The following PGM5 variants were observed in gnomAD, a reference collection of about 807,000 sequenced individuals.
PGM5 encodes phosphoglucomutase-like protein 5.
In PGM5, 23 loss-of-function variants were observed where a neutral mutation model predicts 59.2. The ratio of observed to expected loss-of-function variants is 0.39; its 90% CI spans 0.28 to 0.55. The LOEUF (loss-of-function observed/expected upper bound fraction) is 0.55. Ranked by LOEUF, PGM5 falls within the 20% of genes least tolerant of loss-of-function variation. The probability of loss-of-function intolerance (pLI) is 0.66; values close to 1 mark genes in which losing one functional copy is unlikely to be tolerated. For missense variants in PGM5, 574 were observed against 748.3 expected, an observed-to-expected ratio of 0.77 and a Z score of 2.72; for synonymous variants, 214 against 286.0, an observed-to-expected ratio of 0.75 and a Z score of 2.54.
At chr9:68,455,306 C>T (rs916041286) in intron 6 of PGM5, among the ~76,000 whole-genome samples, 1 of 152,116 alleles carries the variant, frequency 6.6e-6, no homozygotes, top group Non-Finnish European at 1.5e-5. Context: ...AGGGCATCTC[C>T]GCCTGGAATC....
At chr9:68,528,986 G>A (rs1009869767) in intron 10 of PGM5, among the ~76,000 whole-genome samples, 1 of 152,230 alleles carries the variant, frequency 6.6e-6, no homozygotes, top group African/African-American at 2.4e-5. Context: ...TCTAAAGCAT[G>A]CCCACCTCCT....
At chr9:68,518,649 A>C (rs540504583) in intron 10 of PGM5, among the ~76,000 whole-genome samples, 74 of 152,392 alleles carry the variant, frequency 4.9e-4, no homozygotes, top group African/African-American at 1.7e-3. Context: ...GAAGAATATC[A>C]GTGAACTTAA....
chr9:68,485,366 C>G (rs1824277829), intron 9 of PGM5, among the ~76,000 whole-genome samples: 1 of 152,096 alleles, frequency 6.6e-6, no homozygotes, highest in Non-Finnish European at 1.5e-5. Flanking sequence ...ACTGTAGCTC[C>G]CATAATCCCC....
At chr9:68,425,437 T>C (rs1823219139) in intron 6 of PGM5, among the ~76,000 whole-genome samples, 1 of 152,226 alleles carries the variant, frequency 6.6e-6, no homozygotes, top group African/African-American at 2.4e-5. Context: ...TGTGGAGACT[T>C]TCCATTGTTT....
intron 1 of PGM5, among the ~76,000 whole-genome samples, chr9:68,371,876 C>G (rs1821742297): frequency 6.6e-6 from 1 of 151,984 alleles, no homozygotes; most frequent in Non-Finnish European, 1.5e-5. Flanking sequence ...AAAACAGAGG[C>G]AGAGACTGGA....
At chr9:68,510,253 G>T (rs1046791521) in intron 10 of PGM5, among the ~76,000 whole-genome samples, 14 of 145,814 alleles carry the variant, frequency 9.6e-5, no homozygotes, top group African/African-American at 3.6e-4. Flanking sequence ...CTGGGTTCAC[G>T]CCCTTCTCCT....
intron 6 of PGM5, chr9:68,394,541 G>A (rs541013476): frequency 6.6e-6 from 1 of 151,806 alleles, no homozygotes; most frequent in South Asian, 2.1e-4. Flanking sequence ...ACTACATTGG[G>A]CAAACCATTC....
chr9:68,399,942 C>T (rs1222571147), intron 6 of PGM5, among the ~76,000 whole-genome samples: 6 of 151,968 alleles, frequency 3.9e-5, no homozygotes, highest in African/African-American at 1.2e-4. Context: ...TGGAATAATC[C>T]CTCATTCCAG....
At chr9:68,404,003 G>A (rs1177856818) in intron 6 of PGM5, among the ~76,000 whole-genome samples, 1 of 152,206 alleles carries the variant, frequency 6.6e-6, no homozygotes, top group Non-Finnish European at 1.5e-5. Context: ...CTTTGCCTCA[G>A]GATCTGCTTG....
chr9:68,463,060 A>T (rs138811271), intron 6 of PGM5, among the ~76,000 whole-genome samples: 35 of 152,264 alleles, frequency 2.3e-4, no homozygotes, highest in African/African-American at 8.2e-4. Flanking sequence ...ACCACCTGAA[A>T]AGTGCTTTTC....
intron 6 of PGM5, among the ~76,000 whole-genome samples, 159 bp from the exon 7 acceptor site, chr9:68,464,934 T>C (rs1823909692): frequency 6.6e-6 from 1 of 152,226 alleles, no homozygotes; most frequent in South Asian, 2.1e-4. Context: ...TATTATTTTC[T>C]AACTTATGGC....
At chr9:68,518,654 A>T (rs1376722616) in intron 10 of PGM5, among the ~76,000 whole-genome samples, 1 of 152,224 alleles carries the variant, frequency 6.6e-6, no homozygotes, top group Non-Finnish European at 1.5e-5. Flanking sequence ...ATATCAGTGA[A>T]CTTAAAATAT....
chr9:68,501,160 C>T (rs1298415239), intron 10 of PGM5, among the ~76,000 whole-genome samples: 1 of 152,170 alleles, frequency 6.6e-6, no homozygotes. Context: ...GTTGGAATTT[C>T]TGATTTCCCC....
At chr9:68,368,114 C>T (rs1300089725) in intron 1 of PGM5, among the ~76,000 whole-genome samples, 2 of 151,520 alleles carry the variant, frequency 1.3e-5, no homozygotes, top group Non-Finnish European at 2.9e-5. Context: ...TGCATATAGC[C>T]CCCCCATAAA....
intron 7 of PGM5, among the ~76,000 whole-genome samples, chr9:68,468,499 C>G (rs1237291005): frequency 6.6e-6 from 1 of 152,020 alleles, no homozygotes; most frequent in Non-Finnish European, 1.5e-5. Flanking sequence ...ATGTGTAAGC[C>G]ATGTTACGCT....
intron 6 of PGM5, among the ~76,000 whole-genome samples, chr9:68,455,986 C>T (rs782577834): frequency 2.0e-5 from 3 of 152,200 alleles, no homozygotes; most frequent in Non-Finnish European, 4.4e-5. Context: ...AAATAAACTA[C>T]AGCTTGTCTA....
chr9:68,408,476 C>T (rs1822862291), intron 6 of PGM5, among the ~76,000 whole-genome samples: 1 of 151,998 alleles, frequency 6.6e-6, no homozygotes, highest in South Asian at 2.1e-4. Flanking sequence ...GGATATTAGC[C>T]CTTTGTCAGA....
intron 3 of PGM5, among the ~76,000 whole-genome samples, chr9:68,384,770 A>G (rs573521798): frequency 6.7e-6 from 1 of 149,420 alleles, no homozygotes; most frequent in Non-Finnish European, 1.5e-5. Context: ...ATCATTTTCA[A>G]CATAGGAAAA....
At chr9:68,436,422 G>A (rs1823442243) in intron 6 of PGM5, among the ~76,000 whole-genome samples, 3 of 152,194 alleles carry the variant, frequency 2.0e-5, no homozygotes, top group Admixed American at 2.0e-4. Context: ...AGAATGATGA[G>A]AAAGCAGGAC....
Sources: gnomAD v4.1 joint callset for allele counts (sites outside exome capture counted in the v4.1 genomes callset) on GRCh38, gnomAD v4.1.1 for gene constraint, MANE v1.5 for transcripts, NCBI Gene and HGNC (gene_info 2026-07-23, HGNC 2026-07-21) for gene names.